LIMK1: variants seen among roughly 807,000 people sequenced by gnomAD.
The protein encoded by LIMK1 is LIM domain kinase 1.
A neutral mutation model predicts 77.6 loss-of-function variants in LIMK1; 21 were observed. The observed-to-expected ratio is 0.27, with a 90% CI of 0.19 to 0.39. The LOEUF is 0.39. Among genes scored for constraint, LIMK1 ranks in the 10% least tolerant of loss-of-function variants. The pLI is 1.00. For synonymous variants in LIMK1, 358 were observed against 370.0 expected (o/e 0.97, Z 0.37); for missense variants, 696 against 901.6 (o/e 0.77, Z 2.92).
chr7:74,115,715 C>G (rs1389212592), intron 12 of LIMK1, 87 bp from the exon 13 acceptor site: 18 of 1,445,112 alleles, frequency 1.2e-5, no homozygotes, highest in Non-Finnish European at 1.6e-5. Flanking sequence ...GGGCTGTCTA[C>G]AGGTTGGCTT....
Position 74,121,063 on chromosome 7 carries a change from G to A in LIMK1, c.1781+14G>A, listed in dbSNP as rs782552434. 3 of 1,593,976 alleles carry A rather than the reference G, an allele frequency of 1.9e-6. No individual in the cohort carries two copies. Among genetic ancestry groups the A allele is most frequent in the Non-Finnish European group, 2.6e-6 (3 of 1,168,144 alleles). ...CCCCGAGAAGAGGTGAGTGGGGTGG[G>A]GCCCTGGCCTGGGAGACGGTGGGGC... On this transcript the variant is annotated intron_variant, in intron 15 of 15. Coordinates refer to ENST00000336180, the MANE Select transcript of LIMK1 (RefSeq NM_002314.4).
At chr7:74,091,838 G>C (rs543334067) in intron 2 of LIMK1, among the ~76,000 whole-genome samples, 2 of 152,264 alleles carry the variant, frequency 1.3e-5, no homozygotes, top group African/African-American at 2.4e-5. Context: ...AGGCCTTGGG[G>C]TGGGAATGTG....
chr7:74,110,423 G>C (rs1799671763), intron 10 of LIMK1: 1 of 152,212 alleles, frequency 6.6e-6, no homozygotes, highest in Non-Finnish European at 1.5e-5. Flanking sequence ...CTCCTGGCAT[G>C]GCTCAGTGCT....
At chr7:74,103,540 T>C (rs534930632) in intron 5 of LIMK1, among the ~76,000 whole-genome samples, 2 of 152,342 alleles carry the variant, frequency 1.3e-5, no homozygotes, top group African/African-American at 4.8e-5. Flanking sequence ...ATGTTCACTT[T>C]GATTACTTGT....
intron 2 of LIMK1, chr7:74,093,400 G>A: frequency 1.4e-6 from 2 of 1,391,970 alleles, no homozygotes; most frequent in South Asian, 2.5e-5. Context: ...CAGGCTCTGG[G>A]GCAGAACTGA....
intron 9 of LIMK1, among the ~76,000 whole-genome samples, chr7:74,108,703 A>G (rs545039328): frequency 6.6e-6 from 1 of 151,630 alleles, no homozygotes; most frequent in South Asian, 2.1e-4. Context: ...GGACTGGGAA[A>G]AAGAGCATCG....
chr7:74,092,965 AG>A, intron 2 of LIMK1: 3 of 493,454 alleles, frequency 6.1e-6, no homozygotes, highest in Non-Finnish European at 1.0e-5. Flanking sequence ...ACTGAGGGCC[AG>A]GGACGGGCCA....
At chr7:74,084,093 G>A (rs1799083391) in intron 1 of LIMK1, 48 bp downstream of exon 1, 1 of 1,092,904 alleles carries the variant, frequency 9.1e-7, no homozygotes, top group Non-Finnish European at 1.3e-6. Context: ...GGGGTGCCCG[G>A]GGCAGCGTGG....
At chr7:74,104,356 C>T (rs551850730) in intron 5 of LIMK1, among the ~76,000 whole-genome samples, 67 of 152,036 alleles carry the variant, frequency 4.4e-4, no homozygotes, top group African/African-American at 1.5e-3. Flanking sequence ...AAATGAAAAC[C>T]AGCTCACGCC....
chr7:74,107,276 T>C, intron 8 of LIMK1, 83 bp downstream of exon 8: 1 of 1,418,584 alleles, frequency 7.0e-7, no homozygotes, highest in Non-Finnish European at 9.4e-7. Flanking sequence ...GGAAACACAG[T>C]GGAAGGGGTA....
At chr7:74,084,100 G>GT in intron 1 of LIMK1, 55 bp downstream of exon 1, 1 of 1,057,580 alleles carries the variant, frequency 9.5e-7, no homozygotes, top group Non-Finnish European at 1.3e-6. Flanking sequence ...CCGGGGCAGC[G>GT]TGGGGCACGG....
At chr7:74,111,867 G>A (rs1799705560) in intron 11 of LIMK1, 66 bp from the exon 12 acceptor site, 1 of 1,506,044 alleles carries the variant, frequency 6.6e-7, no homozygotes, top group Non-Finnish European at 9.2e-7. Context: ...GGAGTTCCTG[G>A]GGAGCCAGGA....
intron 2 of LIMK1, among the ~76,000 whole-genome samples, chr7:74,095,571 T>C (rs1158375151): frequency 2.0e-5 from 3 of 152,072 alleles, no homozygotes; most frequent in Non-Finnish European, 4.4e-5. Flanking sequence ...TCCTGGCTAA[T>C]TTTTTAATAA....
chr7:74,118,169 G>C (rs1031868114), intron 13 of LIMK1, among the ~76,000 whole-genome samples: 11 of 151,394 alleles, frequency 7.3e-5, no homozygotes, highest in African/African-American at 2.7e-4. Context: ...GAGGTCAAGA[G>C]ATTGAGACCA....
chr7:74,113,644 A>T (rs1554698952), intron 12 of LIMK1, among the ~76,000 whole-genome samples: 1 of 151,406 alleles, frequency 6.6e-6, no homozygotes, highest in South Asian at 2.1e-4. Context: ...AAAGCATCAC[A>T]TGGCAAGAGG....
At chr7:74,100,548 G>A (rs1463872227) in intron 5 of LIMK1, among the ~76,000 whole-genome samples, 1 of 151,930 alleles carries the variant, frequency 6.6e-6, no homozygotes, top group African/African-American at 2.4e-5. Flanking sequence ...TCAGCCCCCT[G>A]AGTAGCTGGG....
intron 13 of LIMK1, among the ~76,000 whole-genome samples, chr7:74,119,802 G>A (rs1420995515): frequency 6.6e-6 from 1 of 152,010 alleles, no homozygotes; most frequent in African/African-American, 2.4e-5. Flanking sequence ...CAGCTACTCG[G>A]GAAATTGAGG....
intron 5 of LIMK1, among the ~76,000 whole-genome samples, chr7:74,102,987 C>T (rs1033002578): frequency 6.6e-6 from 1 of 152,006 alleles, no homozygotes; most frequent in South Asian, 2.1e-4. Context: ...CCTGCCTCAG[C>T]CTCCTAAGTA....
At position 74,107,071 on chromosome 7, in the gene LIMK1, C is replaced by A. The variant is rs782394584; in HGVS notation, c.943C>A (p.Arg315Ser). 19 of 1,608,060 alleles carry A rather than the reference C, an allele frequency of 1.2e-5. No homozygotes were observed. Among genetic ancestry groups the A allele is most frequent in the Non-Finnish European group, 1.4e-5 (17 of 1,178,228 alleles). The part of the protein sequence containing the change: ...AGSLGSPASQ[R>S]KDLGRSESLR... ...CTCACTGGGCTCCCCGGCCTCCCAG[C>A]GCAAGGACCTGGGTCGCTCTGAGTC... The change falls in exon 8 of 16, where the codon CGC (arginine) becomes AGC (serine). Residue 315 changes from arginine to serine, a missense_variant. By Grantham distance (110) the Arg-to-Ser change is moderately radical (BLOSUM62 -1). Coordinates refer to ENST00000336180, the MANE Select transcript of LIMK1 (RefSeq NM_002314.4).
Sources: gnomAD v4.1 joint callset for allele counts (sites outside exome capture counted in the v4.1 genomes callset) on GRCh38, gnomAD v4.1.1 for gene constraint, MANE v1.5 for transcripts, NCBI Gene and HGNC (gene_info 2026-07-23, HGNC 2026-07-21) for gene names.